The following ITIH3 variants were observed in gnomAD, a reference collection of about 807,000 sequenced individuals.
ITIH3 encodes the protein inter-alpha-trypsin inhibitor heavy chain 3.
A neutral mutation model predicts 96.5 loss-of-function variants in ITIH3; 81 were observed. The observed-to-expected ratio is 0.84, with a 90% CI of 0.70 to 1.01. The LOEUF is 1.01. ITIH3 is among the 50% of genes least tolerant of loss of function. The probability of loss-of-function intolerance (pLI) is 0.00; values close to 1 mark genes in which losing one functional copy is unlikely to be tolerated. For missense variants in ITIH3, 1,057 were observed against 1,139.3 expected (o/e 0.93, Z 1.04); for synonymous variants, 422 against 445.2 (o/e 0.95, Z 0.66).
intron 7 of ITIH3, 57 bp from the exon 8 acceptor site, chr3:52,799,315 A>C (rs1287681471): frequency 7.5e-7 from 1 of 1,333,612 alleles, no homozygotes; most frequent in African/African-American, 1.5e-5. Context: ...CTGCAAGAAT[A>C]GTCAATGTGG....
Position 52,799,499 on chromosome 3 carries a change from C to T in ITIH3, c.906+11C>T. 1.3e-6 allele frequency: 2 copies of T among 1,578,920 alleles called. No individual in the cohort carries two copies. The highest frequency in any genetic ancestry group is 1.7e-6 in the Non-Finnish European group (2 of 1,158,822). On this transcript the variant is annotated intron_variant, in intron 8 of 21. Transcript: ENST00000449956. ...CGGAAATTAGAGCAGGTAATCAGCA[C>T]CAGTGGCACAGCCAGGGCTCGGGGT...
intron 5 of ITIH3, 131 bp downstream of exon 5, chr3:52,797,398 C>A: frequency 2.0e-6 from 2 of 1,000,938 alleles, no homozygotes; most frequent in Non-Finnish European, 2.9e-6. Flanking sequence ...GCTGGGAAGG[C>A]TGGAGGAATT....
At chr3:52,800,708 G>A (rs1174362028) in intron 10 of ITIH3, 45 bp downstream of exon 10, 1 of 1,586,440 alleles carries the variant, frequency 6.3e-7, no homozygotes, top group Non-Finnish European at 8.6e-7. Flanking sequence ...GGAGTGCTTG[G>A]CTGCTGCTCC....
chr3:52,797,992 C>A (rs1578753070), intron 6 of ITIH3, 62 bp downstream of exon 6: 2 of 1,021,946 alleles, frequency 2.0e-6, no homozygotes, highest in South Asian at 1.4e-5. Context: ...TCCAGCAGAA[C>A]AAGCCTGCAG....
chr3:52,799,064 GA>G lies in ITIH3; in HGVS notation c.764del (p.Asn255ThrfsTer10). On this transcript the variant is annotated frameshift_variant, in exon 7 of 22. Transcript: ENST00000449956. LOFTEE classifies it high-confidence loss of function. Reference sequence around the variant, plus strand: ...GAGATTTCACTATCACCTATGACGTGAACAGAGAATCTCCTGGCAACGTGCA... The same window carrying G: ...GAGATTTCACTATCACCTATGACGTGACAGAGAATCTCCTGGCAACGTGCA... The part of the protein sequence containing the change: ...NGDFTITYDV[N>X]RESPGNVQIV... 2 of 1,613,520 alleles carry G rather than the reference GA, an allele frequency of 1.2e-6. No individual in the cohort carries two copies. Among genetic ancestry groups the G allele is most frequent in the Non-Finnish European group, 1.7e-6 (2 of 1,179,694 alleles).
intron 19 of ITIH3, among the ~76,000 whole-genome samples, chr3:52,807,537 T>C (rs1480945789): frequency 6.6e-6 from 1 of 152,196 alleles, no homozygotes; most frequent in Admixed American, 6.5e-5. Flanking sequence ...AGCCCTCTCT[T>C]TCCCACTTAT....
chr3:52,803,207 A>G (rs1699901006), intron 13 of ITIH3, among the ~76,000 whole-genome samples: 1 of 152,180 alleles, frequency 6.6e-6, no homozygotes, highest in East Asian at 1.9e-4. Context: ...TACACAATCT[A>G]GCACATGCTG....
In ITIH3 at chr3:52,802,476, A is replaced by C; in HGVS notation, c.1526A>C (p.Asp509Ala). The C allele has an allele frequency of 6.2e-7, 1 of 1,613,908 alleles. No homozygotes were observed. Among genetic ancestry groups the C allele is most frequent in the Non-Finnish European group, 8.5e-7 (1 of 1,179,878 alleles). The change falls in exon 12 of 22, where the codon GAC becomes GCC. Residue 509 changes from aspartate to alanine, a missense_variant. Asp to Ala is a moderately radical substitution (Grantham distance 126, BLOSUM62 -2). Transcript: ENST00000449956. ...SEIVVAGRLV[D>A]EDMNSFKADV... is the part of the protein sequence containing the mutation. ...ATCGTGGTGGCCGGGCGCCTGGTGG[A>C]CGAGGACATGAACAGCTTTAAGGCA...
Position 52,799,095 on chromosome 3 carries a change from C to G in ITIH3, c.789+4C>G. The G allele has an allele frequency of 6.2e-7, 1 of 1,613,186 alleles. No homozygotes were observed. The highest frequency in any genetic ancestry group is 8.5e-7 in the Non-Finnish European group (1 of 1,179,626). ...AGAATCTCCTGGCAACGTGCAGGTA[C>G]CCGGGCTGGCTGATTCATCATCAGG... On this transcript the variant is annotated splice_donor_region_variant and intron_variant, in intron 7 of 21. Coordinates refer to ENST00000449956, the MANE Select transcript of ITIH3 (RefSeq NM_002217.4).
intron 21 of ITIH3, 107 bp downstream of exon 21, chr3:52,808,328 C>T (rs1167676935): frequency 9.1e-7 from 1 of 1,096,526 alleles, no homozygotes; most frequent in Non-Finnish European, 1.3e-6. Flanking sequence ...CTGTGGGGTA[C>T]CCTTGTTTCC....
chr3:52,802,314 T>C lies in ITIH3; in HGVS notation c.1384-20T>C. On this transcript the variant is annotated intron_variant, in intron 11 of 21. Coordinates refer to ENST00000449956, the MANE Select transcript of ITIH3 (RefSeq NM_002217.4). ...AGCCTGACCTGGGGCTTGAGATGAC[T>C]GGCCCCGTGCGAACTTCAGGGCTTC... 6.2e-7 allele frequency: 1 copy of C among 1,612,074 alleles called. No homozygotes were observed. Among genetic ancestry groups the C allele is most frequent in the Non-Finnish European group, 8.5e-7 (1 of 1,178,846 alleles).
rs1559471356 is a variant in ITIH3 at position 52,799,912 on chromosome 3, G to A, written c.1066G>A (p.Asp356Asn). ...EARTFVKSME[D>N]KGMTNINDGL... ...CAGGACGTTTGTGAAGAGCATGGAGGATAAAGGAAGTAAGAGCGGAGCTGG... is the reference window on the plus strand; with the variant it reads ...CAGGACGTTTGTGAAGAGCATGGAGAATAAAGGAAGTAAGAGCGGAGCTGG... Residue 356 changes from aspartate to asparagine, a missense_variant, in exon 9 of 22, where the codon GAT becomes AAT. Coordinates refer to ENST00000449956, the MANE Select transcript of ITIH3 (RefSeq NM_002217.4). 1.2e-6 allele frequency: 2 copies of A among 1,613,588 alleles called. No individual in the cohort carries two copies. Among genetic ancestry groups the A allele is most frequent in the East Asian group, 2.2e-5 (1 of 44,880 alleles).
chr3:52,800,365 T>C (rs1022931063), intron 9 of ITIH3, 173 bp from the exon 10 acceptor site: 3 of 677,738 alleles, frequency 4.4e-6, no homozygotes, highest in Non-Finnish European at 7.3e-6. Context: ...GTTGTTTGTT[T>C]GTTTGTTCAT....
At chr3:52,802,171 C>A (rs1407224892) in intron 11 of ITIH3, 163 bp from the exon 12 acceptor site, 3 of 637,206 alleles carry the variant, frequency 4.7e-6, no homozygotes, top group Admixed American at 6.2e-5. Context: ...CAGGGAGTTG[C>A]CGGGGGGAGG....
chr3:52,802,390 C>G lies in ITIH3; in HGVS notation c.1440C>G (p.Pro480=), dbSNP rs751619590. The change falls in exon 12 of 22, where the codon CCC becomes CCG. Residue 480 remains proline, a synonymous_variant. Transcript: ENST00000449956. ...PLLTGVEMEY[P]ENAILDLTQN... ...TGACGGGTGTGGAGATGGAGTACCC[C>G]GAGAACGCTATCCTGGACCTCACCC... 3 of 1,613,974 alleles carry G rather than the reference C, an allele frequency of 1.9e-6. No individual in the cohort carries two copies. Among genetic ancestry groups the G allele is most frequent in the East Asian group, 2.2e-5 (1 of 44,884 alleles).
rs756577207 is a variant in ITIH3 at position 52,794,802 on chromosome 3, C to T, written c.-2C>T. On this transcript the variant is annotated 5_prime_UTR_variant, in exon 1 of 22. Transcript: ENST00000449956. Reference sequence around the variant, plus strand: ...GCGTGGGCCAGGCCTGAGTATTCAGCGATGGCATTTGCATGGTGGCCCTGT... The same window carrying T: ...GCGTGGGCCAGGCCTGAGTATTCAGTGATGGCATTTGCATGGTGGCCCTGT... 9.3e-6 allele frequency: 15 copies of T among 1,612,614 alleles called. No homozygotes were observed. Among genetic ancestry groups the T allele is most frequent in the African/African-American group, 5.3e-5 (4 of 74,900 alleles).
intron 15 of ITIH3, 170 bp from the exon 16 acceptor site, chr3:52,805,638 C>T (rs1176346067): frequency 7.0e-7 from 1 of 1,436,338 alleles, no homozygotes; most frequent in Non-Finnish European, 9.1e-7. Flanking sequence ...AAAGGGCTTC[C>T]CTGGACGTGC....
chr3:52,799,364 CT>C lies in ITIH3; in HGVS notation c.790-5del, dbSNP rs1559471037. The C allele has an allele frequency of 1.3e-6, 2 of 1,579,824 alleles. No individual in the cohort carries two copies. The highest frequency in any genetic ancestry group is 4.5e-5 in the East Asian group (2 of 44,464). ...ACACCGGCCTCCGTCCCTCTCCCCACTTTCCAGATAGTCAATGGCTACTTCG... is the reference window on the plus strand; with the variant it reads ...ACACCGGCCTCCGTCCCTCTCCCCACTTCCAGATAGTCAATGGCTACTTCG... On this transcript the variant is annotated splice_region_variant and splice_polypyrimidine_tract_variant and intron_variant, in intron 7 of 21. Coordinates refer to ENST00000449956, the MANE Select transcript of ITIH3 (RefSeq NM_002217.4).
At chr3:52,799,988 A>AC (rs1164815106) in intron 9 of ITIH3, 67 bp downstream of exon 9, 56 of 1,497,008 alleles carry the variant, frequency 3.7e-5, no homozygotes, top group Admixed American at 1.7e-4. Context: ...GCAGCCTGCA[A>AC]CCCCCCTCTT....
Sources: allele counts gnomAD v4.1 joint callset (sites outside exome capture counted in the v4.1 genomes callset), GRCh38; gene constraint gnomAD v4.1.1; transcripts MANE v1.5; gene names NCBI Gene and HGNC (gene_info 2026-07-23, HGNC 2026-07-21).